The following DNAH17 variants were observed in gnomAD, a reference collection of about 807,000 sequenced individuals.
The protein encoded by DNAH17 is dynein axonemal heavy chain 17.
A neutral mutation model predicts 485.6 loss-of-function variants in DNAH17; 376 were observed. The ratio of observed to expected loss-of-function variants is 0.77; its 90% CI spans 0.71 to 0.84. The LOEUF (loss-of-function observed/expected upper bound fraction) is 0.84, where lower values mean the gene tolerates loss of function less well. Ranked by LOEUF, DNAH17 falls within the 40% of genes least tolerant of loss-of-function variation. DNAH17 has a pLI of 0.00. For synonymous variants in DNAH17, 3,031 were observed against 2,405.9 expected (o/e 1.26, Z -7.60); for missense variants, 6,370 against 5,839.3 (o/e 1.09, Z -2.96).
In DNAH17 at chr17:78,486,292, C is replaced by T. The variant is rs1242936288; in HGVS notation, c.7033G>A (p.Glu2345Lys). 6.2e-7 allele frequency: 1 copy of T among 1,612,284 alleles called. No homozygotes were observed. The highest frequency in any genetic ancestry group is 2.2e-5 in the East Asian group (1 of 44,832). The part of the protein sequence containing the change: ...EKTVPPDSPR[E>K]LYELYFVFTC... ...AACACGAAGTACAGCTCGTACAGCT[C>T]CCTGGGGGAGTCGGGGGGCACGGTC... Residue 2345 changes from glutamate to lysine, a missense_variant, in exon 45 of 81, where the codon GAG (glutamate) becomes AAG (lysine). By Grantham distance (56) the Glu-to-Lys change is moderately conservative (BLOSUM62 1). Coordinates refer to ENST00000389840, the MANE Select transcript of DNAH17 (RefSeq NM_173628.4).
Position 78,423,966 on chromosome 17 carries a change from C to T in DNAH17, c.13329G>A (p.Lys4443=), listed in dbSNP as rs1164313206. ...GPTYVWTFNL[K]TKEKAAKWIL... Reference sequence around the variant, plus strand: ...TCCACTTCGCTGCCTTCTCTTTGGTCTTCAAGTTAAAGGTCCAGACATAGG... The same window carrying T: ...TCCACTTCGCTGCCTTCTCTTTGGTTTTCAAGTTAAAGGTCCAGACATAGG... Residue 4443 remains lysine (K), a synonymous_variant, in exon 81 of 81, where the codon AAG becomes AAA. Transcript: ENST00000389840. 18 of 1,613,904 alleles carry T rather than the reference C, an allele frequency of 1.1e-5. No individual in the cohort carries two copies. Among genetic ancestry groups the T allele is most frequent in the Non-Finnish European group, 1.5e-5 (18 of 1,179,910 alleles).
chr17:78,501,158 G>T (rs377264599), intron 35 of DNAH17, 26 bp downstream of exon 35: 5 of 1,557,232 alleles, frequency 3.2e-6, no homozygotes. Flanking sequence ...AAGAGCACAT[G>T]TGAGTTACTC....
rs1568170100 is a variant in DNAH17, at chr17:78,505,281, GCA to G, written c.4956+10_4956+11del. The G allele has an allele frequency of 1.2e-6, 2 of 1,613,590 alleles. No homozygotes were observed. Among genetic ancestry groups the G allele is most frequent in the East Asian group, 2.2e-5 (1 of 44,862 alleles). ...GTCCTGGGTTCCCTGTGTGGTGTGC[GCA>G]CACACTCACCTGCCCCGAGAGGTCG... is the stretch of plus-strand genomic sequence containing the variant. On this transcript the variant is annotated intron_variant, in intron 31 of 80. Transcript: ENST00000389840.
At chr17:78,542,445 G>A (rs2091622016) in intron 17 of DNAH17, among the ~76,000 whole-genome samples, 1 of 152,138 alleles carries the variant, frequency 6.6e-6, no homozygotes, top group Non-Finnish European at 1.5e-5. Flanking sequence ...ACTACGCCCA[G>A]CCGTTATTTG....
At chr17:78,566,753 A>C (rs770617103) in intron 10 of DNAH17, 23 bp from the exon 11 acceptor site, 1 of 1,557,382 alleles carries the variant, frequency 6.4e-7, no homozygotes, top group Non-Finnish European at 8.7e-7. Context: ...GGAAATGTCA[A>C]CCTTGTAATC....
chr17:78,478,914 A>G, intron 51 of DNAH17, 111 bp downstream of exon 51: 1 of 817,060 alleles, frequency 1.2e-6, no homozygotes, highest in Middle Eastern at 2.3e-4. Flanking sequence ...CATTACCACC[A>G]TCACCACCAT....
intron 58 of DNAH17, among the ~76,000 whole-genome samples, chr17:78,461,322 G>A (rs935944042): frequency 7.2e-5 from 11 of 152,184 alleles, no homozygotes; most frequent in African/African-American, 2.2e-4. Context: ...GGAGGAGCTC[G>A]GCCACGGGAT....
intron 62 of DNAH17, among the ~76,000 whole-genome samples, chr17:78,457,755 G>A (rs1444693026): frequency 6.6e-6 from 1 of 151,332 alleles, no homozygotes; most frequent in Admixed American, 6.6e-5. Context: ...CCGCCTCCTG[G>A]GTTCAGGTGA....
At chr17:78,499,140 G>A (rs927537601) in intron 36 of DNAH17, 28 bp from the exon 37 acceptor site, 1 of 1,500,868 alleles carries the variant, frequency 6.7e-7, no homozygotes, top group Non-Finnish European at 9.0e-7. Context: ...GAGAAAGGAA[G>A]AGCTGGGAGG....
At chr17:78,452,476 G>C (rs563008265) in intron 65 of DNAH17, among the ~76,000 whole-genome samples, 55 of 152,230 alleles carry the variant, frequency 3.6e-4, no homozygotes, top group African/African-American at 1.3e-3. Context: ...GGTGGCTCCC[G>C]CCTGTAATCC....
chr17:78,509,282 A>T (rs1238161541), intron 27 of DNAH17, among the ~76,000 whole-genome samples: 2 of 150,908 alleles, frequency 1.3e-5, no homozygotes, highest in South Asian at 2.1e-4. Context: ...TAATTTTTTT[A>T]AATTTATTTA....
intron 40 of DNAH17, 98 bp downstream of exon 40, chr17:78,494,495 C>T (rs747594549): frequency 3.8e-6 from 5 of 1,326,066 alleles, no homozygotes; most frequent in African/African-American, 1.5e-5. Context: ...GGGAAACGTG[C>T]GTGTGTGACA....
In DNAH17 at chr17:78,426,542, G is replaced by A. The variant is rs1469603421; in HGVS notation, c.12830C>T (p.Thr4277Ile). The A allele has an allele frequency of 2.7e-5, 43 of 1,613,680 alleles. No individual in the cohort carries two copies. Among genetic ancestry groups the A allele is most frequent in the Non-Finnish European group, 3.5e-5 (41 of 1,179,796 alleles). Residue 4277 changes from threonine to isoleucine, a missense_variant, in exon 79 of 81, where the codon ACC (threonine) becomes ATC (isoleucine). Coordinates refer to ENST00000389840, the MANE Select transcript of DNAH17 (RefSeq NM_173628.4). ...EDLSTALFYD[T>I]VPDTWVARAY... ...CCGGGCCACCCACGTATCAGGCACG[G>A]TGTCATAGAAGAGAGCCGTGGACAG...
At position 78,465,912 on chromosome 17, in the gene DNAH17, C is replaced by G. The variant is rs1320817691; in HGVS notation, c.8940+743G>C. ...GTGAGGAGCCCCTCTGCCCGGCCAC[C>G]ACCCCGTCTGGGAGGTGTGCCCAGC... On this transcript the variant is annotated intron_variant, in intron 56 of 80. Transcript: ENST00000389840. 5.3e-5 allele frequency among the ~76,000 whole-genome samples: 8 copies of G among 151,998 alleles called. No homozygotes were observed. The East Asian group carries it at 9.7e-4, about 18-fold the overall frequency.
intron 16 of DNAH17, among the ~76,000 whole-genome samples, chr17:78,549,270 G>C (rs1454802801): frequency 6.6e-6 from 1 of 151,608 alleles, no homozygotes; most frequent in Non-Finnish European, 1.5e-5. Flanking sequence ...CAGAGAAAGA[G>C]ACACCAGAGC....
chr17:78,491,482 C>T lies in DNAH17; in HGVS notation c.6630G>A (p.Met2210Ile). ...TGACTGTGTTGAGAGACTCGATCCA[C>T]ATGGGGTCTATGTCTCCGTCAAGGA... The part of the protein sequence containing the change: ...WIILDGDIDP[M>I]WIESLNTVMD... Residue 2210 changes from methionine to isoleucine, a missense_variant, in exon 43 of 81, where the codon ATG becomes ATA. By Grantham distance (10) the Met-to-Ile change is conservative (BLOSUM62 1). Coordinates refer to ENST00000389840, the MANE Select transcript of DNAH17 (RefSeq NM_173628.4). 6.2e-7 allele frequency: 1 copy of T among 1,613,444 alleles called. No individual in the cohort carries two copies. Among genetic ancestry groups the T allele is most frequent in the Non-Finnish European group, 8.5e-7 (1 of 1,179,726 alleles).
In DNAH17 at chr17:78,560,834, G is replaced by T; in HGVS notation, c.1937C>A (p.Ala646Glu). Residue 646 changes from alanine to glutamate, a missense_variant, in exon 13 of 81, where the codon GCG (alanine) becomes GAG (glutamate). Transcript: ENST00000389840. ...AAAGTGGCAGTCCTGGTCCACGCCC[G>T]CCACCCACTGCTGGTAGATCTTCTC... Reference protein sequence around the residue: ...HREKIYQQWVAGVDQDCHFNL... With the variant: ...HREKIYQQWVEGVDQDCHFNL... 2 of 1,551,712 alleles carry T rather than the reference G, an allele frequency of 1.3e-6. No homozygotes were observed. The highest frequency in any genetic ancestry group is 1.4e-5 in the African/African-American group (1 of 73,128).
At chr17:78,427,566 A>T (rs892223079) in intron 77 of DNAH17, among the ~76,000 whole-genome samples, 5 of 152,210 alleles carry the variant, frequency 3.3e-5, no homozygotes, top group Non-Finnish European at 7.3e-5. Context: ...CAGTCATTAG[A>T]CTAAGAGAAA....
intron 14 of DNAH17, among the ~76,000 whole-genome samples, chr17:78,555,465 A>G (rs2091999082): frequency 6.7e-6 from 1 of 149,188 alleles, no homozygotes; most frequent in South Asian, 2.1e-4. Context: ...GACCATGGAC[A>G]AAGATATTAC....
Sources: allele counts gnomAD v4.1 joint callset (sites outside exome capture counted in the v4.1 genomes callset), GRCh38; gene constraint gnomAD v4.1.1; transcripts MANE v1.5; gene names NCBI Gene and HGNC (gene_info 2026-07-23, HGNC 2026-07-21).